Variants in EMC3 observed in about 807,000 individuals in gnomAD.
EMC3 encodes the protein 30 kDa protein.
A neutral mutation model predicts 36.6 loss-of-function variants in EMC3; 13 were observed. The observed-to-expected ratio is 0.35, with a 90% CI of 0.23 to 0.56. The LOEUF (loss-of-function observed/expected upper bound fraction) is 0.56. EMC3 is among the 20% of genes least tolerant of loss of function. The pLI, the probability that EMC3 is intolerant of heterozygous loss-of-function variation, is 0.84. For synonymous variants in EMC3, 120 were observed against 111.9 expected (o/e 1.07, Z -0.46); for missense variants, 220 against 324.5 (o/e 0.68, Z 2.47).
Position 9,963,826 on chromosome 3 carries a change from T to C in EMC3, c.*243A>G. ...TGAGGTTTCCCCCTTTCTCTGACTT[T>C]CATTACTAGAGTCACCAGAAGGAAC... is the stretch of plus-strand genomic sequence containing the variant. On this transcript the variant is annotated 3_prime_UTR_variant, in exon 8 of 8. Transcript: ENST00000245046. 4.6e-6 allele frequency: 2 copies of C among 434,742 alleles called. No individual in the cohort carries two copies. Among genetic ancestry groups the C allele is most frequent in the Non-Finnish European group, 3.9e-6 (1 of 259,244 alleles). The allele number at this position is 434,742 out of a possible 1,614,324, so 26.9% of individuals were successfully genotyped here. A position where few individuals can be genotyped will look rare whatever the true frequency, so the allele number is the denominator to read the frequency against.
At chr3:9,986,423 C>T in intron 1 of EMC3, 84 bp downstream of exon 1, 1 of 1,538,712 alleles carries the variant, frequency 6.5e-7, no homozygotes, top group South Asian at 1.2e-5. Flanking sequence ...GCGACGTGAA[C>T]CTAGGCAAAT....
At chr3:10,001,151 A>C (rs150216661) in intron 1 of EMC3, among the ~76,000 whole-genome samples, 33 of 152,214 alleles carry the variant, frequency 2.2e-4, no homozygotes, top group African/African-American at 8.0e-4. Context: ...GTTTGTGTAT[A>C]GTGTATTTTA....
upstream of EMC3, chr3:9,987,363 T>G: frequency 2.1e-6 from 2 of 937,394 alleles, no homozygotes; most frequent in Non-Finnish European, 2.5e-6. Context: ...TCTCTGGGGC[T>G]CCGCGCCCCA....
intron 7 of EMC3, among the ~76,000 whole-genome samples, chr3:9,965,123 C>T (rs2085724043): frequency 1.3e-5 from 2 of 148,252 alleles, no homozygotes; most frequent in Admixed American, 6.7e-5. Context: ...AAAAAAAAAG[C>T]TTGCGAGATG....
rs369195157 is a variant in EMC3 at position 10,006,901 on chromosome 3, TGTC to T, written c.-242+4119_-242+4121del. 861 of 339,410 alleles carry T rather than the reference TGTC, an allele frequency of 2.5e-3. 3 individuals are homozygous for T. The highest frequency in any genetic ancestry group is 4.6e-3 in the South Asian group (210 of 45,404). The allele number at this position is 339,410 out of a possible 1,614,324, so 21.0% of individuals were successfully genotyped here. On this transcript the variant is annotated intron_variant, in intron 1 of 8. Coordinates refer to the EMC3 transcript ENST00000470827. ...GAGGAGCTGGGCGAGGCGCCCAGGT[TGTC>T]GTCTGCCCGGCAACGTGGGAGCCTG...
chr3:9,967,849 CATTT>C (rs2085748159), intron 7 of EMC3, among the ~76,000 whole-genome samples: 1 of 152,208 alleles, frequency 6.6e-6, no homozygotes, highest in Admixed American at 6.5e-5. Flanking sequence ...GATGTCTTTC[CATTT>C]ATTTAAGTCT....
At chr3:9,984,221 A>G (rs1210753566) in intron 1 of EMC3, among the ~76,000 whole-genome samples, 1 of 151,998 alleles carries the variant, frequency 6.6e-6, no homozygotes, top group African/African-American at 2.4e-5. Flanking sequence ...AGCTGGGACT[A>G]CAGGCACGTG....
At chr3:10,007,415 G>A in intron 1 of EMC3, 1 of 1,365,176 alleles carries the variant, frequency 7.3e-7, no homozygotes, top group African/African-American at 1.5e-5. Context: ...GTGGCGGGGT[G>A]TGGTCCCCAA....
chr3:9,986,806 T>C lies in EMC3; in HGVS notation c.-145A>G. 1 of 1,444,560 alleles carries C rather than the reference T, an allele frequency of 6.9e-7. No homozygotes were observed. The highest frequency in any genetic ancestry group is 9.1e-7 in the Non-Finnish European group (1 of 1,097,100). 89.5% of individuals were successfully genotyped at this position (1,444,560 alleles called of 1,614,324 possible). On this transcript the variant is annotated 5_prime_UTR_variant, in exon 1 of 8. Coordinates refer to ENST00000245046, the MANE Select transcript of EMC3 (RefSeq NM_001394674.1). ...ACTCTCCTGCGACTGTGAGCCGAGC[T>C]TACTGCCTTCAGCTGGGCTGCCTGG... is the stretch of plus-strand genomic sequence containing the variant.
At chr3:9,976,820 T>C (rs989521599) in intron 3 of EMC3, 137 bp downstream of exon 3, 19 of 675,770 alleles carry the variant, frequency 2.8e-5, no homozygotes, top group Non-Finnish European at 4.9e-5. Context: ...CTGTATCAGA[T>C]GATTTCTAAG....
chr3:9,992,972 A>C (rs1575693416), intron 1 of EMC3: 1 of 1,601,430 alleles, frequency 6.2e-7, no homozygotes, highest in South Asian at 1.1e-5. Flanking sequence ...GCTGCATTCA[A>C]GAACAGCTGC....
intron 3 of EMC3, among the ~76,000 whole-genome samples, chr3:9,975,594 C>T (rs184056871): frequency 3.5e-3 from 532 of 151,818 alleles, no homozygotes; most frequent in Non-Finnish European, 5.7e-3. Context: ...GGGCGGATCA[C>T]GAGGTCAGGA....
intron 1 of EMC3, among the ~76,000 whole-genome samples, chr3:9,991,949 C>T (rs1023813049): frequency 2.0e-5 from 3 of 152,042 alleles, no homozygotes; most frequent in Non-Finnish European, 4.4e-5. Context: ...TTTGCGCTCC[C>T]GTGAGAATCT....
chr3:10,011,115 G>A (rs1441610697), exon 1 of EMC3: 2 of 152,372 alleles, frequency 1.3e-5, no homozygotes, highest in East Asian at 3.9e-4. Flanking sequence ...GCAGCGCCTG[G>A]AAGGAGGCGG....
At chr3:9,983,541 G>A (rs1267082797) in intron 1 of EMC3, among the ~76,000 whole-genome samples, 1 of 152,030 alleles carries the variant, frequency 6.6e-6, no homozygotes, top group Non-Finnish European at 1.5e-5. Flanking sequence ...GCATGCTGGC[G>A]CATGCCGCTA....
intron 1 of EMC3, chr3:10,003,388 A>G (rs1575705342): frequency 2.7e-6 from 1 of 364,698 alleles, no homozygotes; most frequent in South Asian, 2.0e-5. Context: ...TGACCCCAAC[A>G]TAGTTGCACG....
chr3:9,999,619 A>G lies in EMC3; in HGVS notation c.-242+11404T>C, dbSNP rs144010519. Reference sequence around the variant, plus strand: ...GAGTCGTATGATCACACATAGTTTTAAAGTGTGTATTCTAATCATTTTAAG... The same window carrying G: ...GAGTCGTATGATCACACATAGTTTTGAAGTGTGTATTCTAATCATTTTAAG... On this transcript the variant is annotated intron_variant, in intron 1 of 8. Coordinates refer to the EMC3 transcript ENST00000470827. 3.9e-5 allele frequency among the ~76,000 whole-genome samples: 6 copies of G among 152,260 alleles called. No homozygotes were observed. In the East Asian group the frequency reaches 9.6e-4, roughly 24 times the overall value.
intron 1 of EMC3, among the ~76,000 whole-genome samples, chr3:9,982,848 T>C (rs1425232937): frequency 2.7e-5 from 4 of 150,850 alleles, no homozygotes; most frequent in Non-Finnish European, 4.4e-5. Flanking sequence ...ACTGTGCCAG[T>C]GCTCTCCAGC....
chr3:9,977,132 A>G lies in EMC3; in HGVS notation c.214-82T>C, dbSNP rs1168331575. The G allele has an allele frequency of 2.6e-6, 3 of 1,136,084 alleles. No individual in the cohort carries two copies. In the African/African-American group the frequency reaches 4.7e-5, roughly 18 times the overall value. The allele number at this position is 1,136,084 out of a possible 1,614,324, so 70.4% of individuals were successfully genotyped here. A position where few individuals can be genotyped will look rare whatever the true frequency, so the allele number is the denominator to read the frequency against. ...TAAATTACTCCCCAGTGGCTTAGTCAGAAGGCCTTTAGGATATGCTGTTCC... is the reference window on the plus strand; with the variant it reads ...TAAATTACTCCCCAGTGGCTTAGTCGGAAGGCCTTTAGGATATGCTGTTCC... On this transcript the variant is annotated intron_variant, in intron 2 of 7. Transcript: ENST00000245046.
Sources: gnomAD v4.1 joint callset for allele counts (sites outside exome capture counted in the v4.1 genomes callset) on GRCh38, gnomAD v4.1.1 for gene constraint, MANE v1.5 for transcripts, NCBI Gene and HGNC (gene_info 2026-07-23, HGNC 2026-07-21) for gene names.